The following UQCC1 variants were observed in gnomAD, a reference collection of about 807,000 sequenced individuals.
UQCC1 encodes the protein ubiquinol-cytochrome c reductase complex assembly factor 1, also known as bFGF-repressed Zic-binding protein.
UQCC1 carries 38 observed loss-of-function variants against 48.0 expected under a neutral mutation model. The ratio of observed to expected loss-of-function variants is 0.79; its 90% CI spans 0.61 to 1.04. UQCC1 has a LOEUF of 1.04. Among genes scored for constraint, UQCC1 ranks in the 50% least tolerant of loss-of-function variants. The probability of loss-of-function intolerance (pLI) is 0.00; values close to 1 mark genes in which losing one functional copy is unlikely to be tolerated. For missense variants in UQCC1, 368 were observed against 381.8 expected (o/e 0.96, Z 0.30); for synonymous variants, 111 against 129.2 (o/e 0.86, Z 0.95).
chr20:35,357,272 G>A (rs1361639707), intron 6 of UQCC1, among the ~76,000 whole-genome samples: 1 of 152,178 alleles, frequency 6.6e-6, no homozygotes, highest in African/African-American at 2.4e-5. Context: ...TGTAATCCCA[G>A]CACTTTGGGA....
chr20:35,317,071 G>C (rs1263389014), intron 7 of UQCC1, among the ~76,000 whole-genome samples: 3 of 151,990 alleles, frequency 2.0e-5, no homozygotes, highest in Non-Finnish European at 4.4e-5. Context: ...GAGCAGCTGG[G>C]ATTACAGGCA....
chr20:35,401,658 C>CT (rs142034321), intron 1 of UQCC1, among the ~76,000 whole-genome samples: 59,154 of 117,884 alleles, frequency 0.5, 16,881 homozygotes, highest in East Asian at 0.65. Flanking sequence ...TGAAATCCAC[C>CT]TTTTTTTTTT....
intron 4 of UQCC1, among the ~76,000 whole-genome samples, chr20:35,381,487 T>C (rs551293358): frequency 9.9e-5 from 15 of 152,252 alleles, no homozygotes; most frequent in East Asian, 7.7e-4. Flanking sequence ...ACATGTTGTA[T>C]AGATCTGACT....
intron 1 of UQCC1, among the ~76,000 whole-genome samples, chr20:35,396,908 T>C (rs533454718): frequency 2.0e-5 from 3 of 152,172 alleles, no homozygotes; most frequent in Non-Finnish European, 2.9e-5. Context: ...GTAGACCTTA[T>C]AGGGCCATAA....
At chr20:35,304,761 C>A (rs1407976955) in intron 9 of UQCC1, 1 of 152,354 alleles carries the variant, frequency 6.6e-6, no homozygotes, top group Non-Finnish European at 1.5e-5. Context: ...GCCACTGCTG[C>A]AGGGCCAGGA....
At chr20:35,402,254 C>T (rs896713334) in intron 1 of UQCC1, among the ~76,000 whole-genome samples, 2 of 151,782 alleles carry the variant, frequency 1.3e-5, no homozygotes, top group Non-Finnish European at 2.9e-5. Flanking sequence ...ACCAGCCTGG[C>T]CAACACAGTG....
At chr20:35,382,642 A>T (rs1357522234) in intron 3 of UQCC1, among the ~76,000 whole-genome samples, 2 of 149,712 alleles carry the variant, frequency 1.3e-5, no homozygotes, top group African/African-American at 4.9e-5. Flanking sequence ...CCTCCCGAGT[A>T]GCTGGGACAG....
intron 4 of UQCC1, among the ~76,000 whole-genome samples, chr20:35,378,835 C>T (rs1351452478): frequency 6.6e-6 from 1 of 152,198 alleles, no homozygotes; most frequent in Non-Finnish European, 1.5e-5. Flanking sequence ...AAATCTGCTT[C>T]ATATAACATT....
At chr20:35,387,705 CAG>C (rs2061962215) in intron 2 of UQCC1, among the ~76,000 whole-genome samples, 1 of 152,000 alleles carries the variant, frequency 6.6e-6, no homozygotes, top group Non-Finnish European at 1.5e-5. Context: ...GAAGAAATCT[CAG>C]AGATATTCTG....
chr20:35,363,098 A>G (rs1013857905), intron 6 of UQCC1, among the ~76,000 whole-genome samples: 2 of 152,120 alleles, frequency 1.3e-5, no homozygotes, highest in African/African-American at 4.8e-5. Flanking sequence ...CATTATAAGG[A>G]TAAATTTTAC....
At chr20:35,395,765 G>T (rs908849577) in intron 1 of UQCC1, among the ~76,000 whole-genome samples, 2 of 151,930 alleles carry the variant, frequency 1.3e-5, no homozygotes, top group Non-Finnish European at 2.9e-5. Context: ...CATGAATGAA[G>T]AACTTCCAAA....
chr20:35,394,299 T>C (rs1195255002), intron 1 of UQCC1, 103 bp from the exon 2 acceptor site: 6 of 1,071,378 alleles, frequency 5.6e-6, no homozygotes, highest in African/African-American at 1.6e-5. Flanking sequence ...GAAATATATA[T>C]TTGGCCTTCA....
At chr20:35,374,347 C>T (rs1455559007) in intron 4 of UQCC1, 91 bp from the exon 5 acceptor site, 2 of 1,008,018 alleles carry the variant, frequency 2.0e-6, no homozygotes, top group Middle Eastern at 2.1e-4. Context: ...TATATTTCTT[C>T]AACTAGAAGG....
At chr20:35,310,859 A>AT (rs71184065) in intron 8 of UQCC1, among the ~76,000 whole-genome samples, 33,689 of 116,914 alleles carry the variant, frequency 0.29, 5,318 homozygotes, top group Middle Eastern at 0.34. Context: ...TGCCGGGCTA[A>AT]TTTTTTTTTT....
intron 6 of UQCC1, among the ~76,000 whole-genome samples, chr20:35,358,982 A>G (rs769239413): frequency 2.0e-5 from 3 of 152,180 alleles, no homozygotes; most frequent in Admixed American, 6.5e-5. Context: ...TAAGAAAGGC[A>G]AATAACGCAG....
intron 7 of UQCC1, among the ~76,000 whole-genome samples, chr20:35,322,979 C>G (rs1030656989): frequency 6.6e-6 from 1 of 152,064 alleles, no homozygotes; most frequent in Non-Finnish European, 1.5e-5. Flanking sequence ...TCCTGAGTAG[C>G]TGGGACTACA....
At chr20:35,376,379 A>G (rs371476702) in intron 4 of UQCC1, among the ~76,000 whole-genome samples, 1 of 152,200 alleles carries the variant, frequency 6.6e-6, no homozygotes. Flanking sequence ...AACACATAAG[A>G]TACAAATTTT....
intron 1 of UQCC1, among the ~76,000 whole-genome samples, chr20:35,410,826 T>C (rs1293405436): frequency 6.7e-6 from 1 of 149,678 alleles, no homozygotes; most frequent in Non-Finnish European, 1.5e-5. Flanking sequence ...CAGTCCTCAT[T>C]TCTGAATCAA....
intron 1 of UQCC1, among the ~76,000 whole-genome samples, chr20:35,404,101 G>C (rs556506700): frequency 3.4e-4 from 51 of 152,234 alleles, no homozygotes; most frequent in African/African-American, 1.2e-3. Context: ...GCCAGGCGTG[G>C]CCGGGCGCAG....
Sources: gnomAD v4.1 joint callset for allele counts (sites outside exome capture counted in the v4.1 genomes callset) on GRCh38, gnomAD v4.1.1 for gene constraint, MANE v1.5 for transcripts, NCBI Gene and HGNC (gene_info 2026-07-23, HGNC 2026-07-21) for gene names.